Variants in GALNT3 observed in about 807,000 individuals in gnomAD.
GALNT3 encodes GalNAc transferase 3.
GALNT3 carries 51 observed loss-of-function variants against 69.8 expected under a neutral mutation model. The observed-to-expected ratio is 0.73, with a 90% CI of 0.58 to 0.92. GALNT3 has a LOEUF of 0.92. GALNT3 is among the 40% of genes least tolerant of loss of function. GALNT3 has a pLI of 0.00. For synonymous variants in GALNT3, 265 were observed against 248.5 expected (o/e 1.07, Z -0.63); for missense variants, 711 against 760.0 (o/e 0.94, Z 0.76).
intron 1 of GALNT3, chr2:165,771,723 A>G (rs1188456789): frequency 1.3e-5 from 2 of 152,222 alleles, no homozygotes; most frequent in African/African-American, 4.8e-5. Context: ...GGGGAGGGAA[A>G]ATGCCTGTTC....
At chr2:165,755,193 A>G in intron 7 of GALNT3, 130 bp from the exon 8 acceptor site, 1 of 850,248 alleles carries the variant, frequency 1.2e-6, no homozygotes. Flanking sequence ...GAGGCAATTC[A>G]ACAGCCTTCA....
chr2:165,759,213 A>G, intron 5 of GALNT3, 123 bp downstream of exon 5: 1 of 800,922 alleles, frequency 1.2e-6, no homozygotes, highest in Non-Finnish European at 2.1e-6. Context: ...GATTCTCTTT[A>G]TATAGAATAT....
intron 8 of GALNT3, 29 bp from the exon 9 acceptor site, chr2:165,754,757 G>C (rs1243279854): frequency 6.6e-7 from 1 of 1,525,352 alleles, no homozygotes. Flanking sequence ...GTTATGAAAA[G>C]TTTTTTAATC....
intron 1 of GALNT3, among the ~76,000 whole-genome samples, chr2:165,776,178 C>G (rs1688842881): frequency 1.3e-5 from 2 of 151,904 alleles, no homozygotes; most frequent in Admixed American, 1.3e-4. Flanking sequence ...TAAAATGAAA[C>G]CAGGATTTTT....
intron 9 of GALNT3, among the ~76,000 whole-genome samples, chr2:165,754,392 C>CTTTTTTTTTTTTTTT (rs137893523): frequency 4.9e-5 from 3 of 61,152 alleles, no homozygotes; most frequent in Non-Finnish European, 6.2e-5. Context: ...GCTCGGCCTC[C>CTTTTTTTTTTTTTTT]TTTTTTTTTT....
intron 1 of GALNT3, among the ~76,000 whole-genome samples, chr2:165,779,470 T>G (rs1167718417): frequency 1.3e-5 from 2 of 152,218 alleles, no homozygotes; most frequent in African/African-American, 4.8e-5. Flanking sequence ...AAAGTCTAAC[T>G]GTCCTTCTTT....
At chr2:165,768,828 C>T (rs974539048) in intron 2 of GALNT3, among the ~76,000 whole-genome samples, 4 of 123,386 alleles carry the variant, frequency 3.2e-5, no homozygotes, top group Admixed American at 9.5e-5. Flanking sequence ...GAGTTTCGTT[C>T]TTGTCGCCCA....
At chr2:165,750,354 G>A (rs568792531) in intron 9 of GALNT3, among the ~76,000 whole-genome samples, 3 of 152,154 alleles carry the variant, frequency 2.0e-5, no homozygotes, top group Non-Finnish European at 4.4e-5. Context: ...CTACCCCACA[G>A]GGTTATGAAG....
intron 2 of GALNT3, among the ~76,000 whole-genome samples, chr2:165,769,174 G>A (rs1408225545): frequency 1.4e-5 from 2 of 147,360 alleles, no homozygotes; most frequent in African/African-American, 2.5e-5. Context: ...GGGAGGCTGA[G>A]GTGGGCGGAT....
chr2:165,773,151 C>G (rs995371799), intron 1 of GALNT3, among the ~76,000 whole-genome samples: 21 of 152,166 alleles, frequency 1.4e-4, no homozygotes, highest in African/African-American at 4.8e-4. Context: ...CCCCACCCAA[C>G]TCTCACCTTA....
Position 165,757,091 on chromosome 2 carries a change from T to C in GALNT3, c.1348A>G (p.Ile450Val), listed in dbSNP as rs146096050. Residue 450 changes from isoleucine to valine, a missense_variant, in exon 7 of 11, where the codon ATA becomes GTA. Physicochemically the swap from Ile to Val is conservative, Grantham distance 29 (BLOSUM62 3). Coordinates refer to ENST00000392701, the MANE Select transcript of GALNT3 (RefSeq NM_004482.4). The part of the protein sequence containing the change: ...AEVWMDEYKE[I>V]FYRRNTDAAK... The stretch of plus-strand genomic sequence containing the variant: ...GCATCTGTATTTCTCCTATAAAATA[T>C]TTCCTTGTATTCATCCATCCAGACT... The C allele has an allele frequency of 8.1e-6, 13 of 1,614,064 alleles. No homozygotes were observed. In the African/African-American group the frequency reaches 1.6e-4, roughly 20 times the overall value.
chr2:165,774,909 C>CTTTTTT lies in GALNT3; in HGVS notation c.-108-4107_-108-4102dup, dbSNP rs71031204. On this transcript the variant is annotated intron_variant, in intron 1 of 10. Coordinates refer to ENST00000392701, the MANE Select transcript of GALNT3 (RefSeq NM_004482.4). Reference sequence around the variant, plus strand: ...TTGTGAAGTATTCTTCTTCTTCTCTCTTTTTTTTTTTTTTTTTTTTTTGTA... The same window carrying CTTTTTT: ...TTGTGAAGTATTCTTCTTCTTCTCTCTTTTTTTTTTTTTTTTTTTTTTTTTTTTGTA... Among the ~76,000 whole-genome samples the CTTTTTT allele has an allele frequency of 2.4e-3, 250 of 104,334 alleles. 3 individuals carry two copies. The highest frequency in any genetic ancestry group is 5.0e-3 in the African/African-American group (133 of 26,606). The allele number at this position is 104,334 out of a possible 152,430, so 68.4% of individuals were successfully genotyped here.
chr2:165,792,448 G>A (rs982394842), intron 1 of GALNT3, among the ~76,000 whole-genome samples: 1 of 152,098 alleles, frequency 6.6e-6, no homozygotes, highest in Non-Finnish European at 1.5e-5. Context: ...AAGATTAAGA[G>A]GTCAGGTGAG....
chr2:165,763,936 G>A (rs1044804375), intron 3 of GALNT3, among the ~76,000 whole-genome samples: 3 of 151,956 alleles, frequency 2.0e-5, no homozygotes, highest in Non-Finnish European at 2.9e-5. Flanking sequence ...GAGGATAATC[G>A]GACTCACCAT....
At chr2:165,749,674 AT>A in intron 10 of GALNT3, 67 bp downstream of exon 10, 3 of 1,346,626 alleles carry the variant, frequency 2.2e-6, no homozygotes, top group Non-Finnish European at 2.1e-6. Context: ...TGTTCCACTC[AT>A]TTTCCCAGAT....
At chr2:165,775,255 GA>G (rs200361582) in intron 1 of GALNT3, among the ~76,000 whole-genome samples, 2,623 of 151,600 alleles carry the variant, frequency 0.017, 64 homozygotes, top group Admixed American at 0.064. Flanking sequence ...AAGGCGATAA[GA>G]AAAAAAACTG....
rs1688509718 is a variant in GALNT3 at position 165,759,673 on chromosome 2, T to C, written c.839-103A>G. The stretch of plus-strand genomic sequence containing the variant: ...AGAGAAATGAGAATAACAGAGTCAA[T>C]TTGTGTTTTGAACATGTATATAATG... On this transcript the variant is annotated intron_variant, in intron 4 of 10. Transcript: ENST00000392701. 16 of 839,016 alleles carry C rather than the reference T, an allele frequency of 1.9e-5. No individual in the cohort carries two copies. The South Asian group carries it at 2.2e-4, about 12-fold the overall frequency. The allele number at this position is 839,016 out of a possible 1,614,324, so 52.0% of individuals were successfully genotyped here.
chr2:165,779,978 C>G (rs955597705), intron 1 of GALNT3, among the ~76,000 whole-genome samples: 4 of 152,160 alleles, frequency 2.6e-5, no homozygotes, highest in African/African-American at 9.7e-5. Flanking sequence ...TCTCTGCCCC[C>G]TCAATGAAGG....
At chr2:165,792,007 G>C (rs1466219868) in intron 1 of GALNT3, among the ~76,000 whole-genome samples, 1 of 152,188 alleles carries the variant, frequency 6.6e-6, no homozygotes, top group Non-Finnish European at 1.5e-5. Flanking sequence ...TGAGGATGTG[G>C]GTGGTGAAAA....
Sources: allele counts gnomAD v4.1 joint callset (sites outside exome capture counted in the v4.1 genomes callset), GRCh38; gene constraint gnomAD v4.1.1; transcripts MANE v1.5; gene names NCBI Gene and HGNC (gene_info 2026-07-23, HGNC 2026-07-21).